SLC2A13: variants seen among roughly 807,000 people sequenced by gnomAD.
The protein encoded by SLC2A13 is solute carrier family 2 member 13, also known as proton myo-inositol cotransporter.
Under a neutral mutation model 64.4 loss-of-function variants are expected in SLC2A13, and 32 were observed. The observed-to-expected ratio is 0.50, with a 90% CI of 0.37 to 0.67. The LOEUF (loss-of-function observed/expected upper bound fraction) is 0.67, where lower values mean the gene tolerates loss of function less well. Ranked by LOEUF, SLC2A13 falls within the 30% of genes least tolerant of loss-of-function variation. The probability of loss-of-function intolerance (pLI) is 0.00; values close to 1 mark genes in which losing one functional copy is unlikely to be tolerated. For synonymous variants in SLC2A13, 338 were observed against 327.1 expected, an observed-to-expected ratio of 1.03 and a Z score of -0.36; for missense variants, 743 against 829.2, an observed-to-expected ratio of 0.90 and a Z score of 1.28.
chr12:39,907,542 C>G (rs1416821077), intron 4 of SLC2A13: 3 of 152,112 alleles, frequency 2.0e-5, no homozygotes, highest in African/African-American at 4.8e-5. Flanking sequence ...AATATAGAAT[C>G]TGCCCATAAT....
intron 5 of SLC2A13, among the ~76,000 whole-genome samples, chr12:39,866,692 G>C (rs1176954995): frequency 6.6e-6 from 1 of 152,156 alleles, no homozygotes; most frequent in African/African-American, 2.4e-5. Flanking sequence ...TGTTAGCCAG[G>C]ATGGTCTCGA....
chr12:39,918,102 T>C (rs945788970), intron 4 of SLC2A13, among the ~76,000 whole-genome samples: 4 of 152,086 alleles, frequency 2.6e-5, no homozygotes, highest in African/African-American at 4.8e-5. Context: ...ATGGTTGCTA[T>C]CCTTGTACAT....
Position 39,917,531 on chromosome 12 carries a change from G to T in SLC2A13, c.1034+33726C>A, listed in dbSNP as rs912480074. On this transcript the variant is annotated intron_variant, in intron 4 of 9. Coordinates refer to ENST00000280871, the MANE Select transcript of SLC2A13 (RefSeq NM_052885.4). ...CTCAGTAAGGTTGATTGCCCTCCAT[G>T]GTGGGCATCATCAATACACTGAGGG... Among the ~76,000 whole-genome samples, 5 of 152,072 alleles carry T rather than the reference G, an allele frequency of 3.3e-5. No homozygotes were observed. In the East Asian group the frequency reaches 9.6e-4, roughly 29 times the overall value.
chr12:39,896,712 T>C (rs572611247), intron 4 of SLC2A13, among the ~76,000 whole-genome samples: 1 of 152,148 alleles, frequency 6.6e-6, no homozygotes, highest in South Asian at 2.1e-4. Flanking sequence ...AGACTTCAAG[T>C]ATTTTATAGT....
intron 3 of SLC2A13, among the ~76,000 whole-genome samples, chr12:39,958,158 C>A (rs570396808): frequency 6.6e-6 from 1 of 152,154 alleles, no homozygotes; most frequent in African/African-American, 2.4e-5. Flanking sequence ...GAATCTAATA[C>A]ATTGCCAAGT....
chr12:40,026,652 T>A (rs1414971311), intron 3 of SLC2A13, among the ~76,000 whole-genome samples: 1 of 152,236 alleles, frequency 6.6e-6, no homozygotes, highest in African/African-American at 2.4e-5. Flanking sequence ...AAAAATTAAA[T>A]TTTTATCCTT....
chr12:40,048,007 A>G (rs780683284), intron 2 of SLC2A13, 44 bp downstream of exon 2: 24 of 1,536,806 alleles, frequency 1.6e-5, no homozygotes, highest in Non-Finnish European at 2.1e-5. Flanking sequence ...CCCCTTCCCC[A>G]AAATCAAGAT....
chr12:39,990,935 A>C (rs1393636841), intron 3 of SLC2A13, among the ~76,000 whole-genome samples: 1 of 152,010 alleles, frequency 6.6e-6, no homozygotes, highest in Non-Finnish European at 1.5e-5. Flanking sequence ...TTTTTCATCA[A>C]CGGAGCTCTC....
chr12:39,788,617 G>A (rs1941272668), intron 7 of SLC2A13: 1 of 152,130 alleles, frequency 6.6e-6, no homozygotes, highest in African/African-American at 2.4e-5. Flanking sequence ...GAGAAACCAT[G>A]GATAAGGGAG....
chr12:39,974,213 C>T (rs949223320), intron 3 of SLC2A13, among the ~76,000 whole-genome samples: 1 of 152,162 alleles, frequency 6.6e-6, no homozygotes, highest in African/African-American at 2.4e-5. Context: ...TATGCAGATC[C>T]CAGAACTGAT....
chr12:39,808,024 T>C (rs978288860), intron 7 of SLC2A13, among the ~76,000 whole-genome samples: 4 of 152,180 alleles, frequency 2.6e-5, no homozygotes, highest in Admixed American at 2.6e-4. Flanking sequence ...ATTTTACGTG[T>C]AAGTCAATGA....
intron 1 of SLC2A13, among the ~76,000 whole-genome samples, chr12:40,091,728 T>C (rs1219308536): frequency 1.3e-5 from 2 of 152,216 alleles, no homozygotes; most frequent in Non-Finnish European, 2.9e-5. Flanking sequence ...ACAGAGGTTT[T>C]AATTACACAT....
intron 3 of SLC2A13, among the ~76,000 whole-genome samples, chr12:39,982,727 A>G (rs1449527650): frequency 6.7e-6 from 1 of 149,170 alleles, no homozygotes; most frequent in Non-Finnish European, 1.5e-5. Flanking sequence ...AGGAAGAATC[A>G]ATATCGTGAA....
chr12:39,954,358 G>T (rs28370604), intron 3 of SLC2A13, among the ~76,000 whole-genome samples: 2,954 of 64,394 alleles, frequency 0.046, 33 homozygotes, highest in Non-Finnish European at 0.099. Context: ...TTCAGAGAGG[G>T]AGGAGGAGAA....
chr12:39,941,160 T>A (rs1346550165), intron 4 of SLC2A13, among the ~76,000 whole-genome samples: 1 of 152,218 alleles, frequency 6.6e-6, no homozygotes, highest in African/African-American at 2.4e-5. Context: ...AGTTTCTTTA[T>A]CCACTTGTTG....
chr12:40,078,950 T>C (rs1449190305), intron 1 of SLC2A13, among the ~76,000 whole-genome samples: 5 of 152,212 alleles, frequency 3.3e-5, no homozygotes, highest in Non-Finnish European at 7.4e-5. Context: ...CTGAGGGTTC[T>C]GTTTTCTGCA....
At chr12:39,949,597 G>A (rs11564202) in intron 4 of SLC2A13, 9 of 152,126 alleles carry the variant, frequency 5.9e-5, no homozygotes, top group Non-Finnish European at 8.8e-5. Flanking sequence ...GAATACACTG[G>A]CCCCAGTCAC....
intron 4 of SLC2A13, among the ~76,000 whole-genome samples, chr12:39,943,111 T>C (rs1341216451): frequency 6.6e-6 from 1 of 152,166 alleles, no homozygotes; most frequent in Non-Finnish European, 1.5e-5. Context: ...CTGCTGCCTG[T>C]TCCTTCCTCT....
At chr12:39,891,109 T>G (rs1282695571) in intron 4 of SLC2A13, among the ~76,000 whole-genome samples, 1 of 139,192 alleles carries the variant, frequency 7.2e-6, no homozygotes, top group Admixed American at 7.4e-5. Flanking sequence ...CTCTCAAAGT[T>G]TCAAATATAC....
Sources: allele counts gnomAD v4.1 joint callset (sites outside exome capture counted in the v4.1 genomes callset), GRCh38; gene constraint gnomAD v4.1.1; transcripts MANE v1.5; gene names NCBI Gene and HGNC (gene_info 2026-07-23, HGNC 2026-07-21).